Variants in UPRT observed in about 807,000 individuals in gnomAD.
UPRT encodes uracil phosphoribosyltransferase homolog, also known as RP11-311P8.3.
Under a neutral mutation model 22.6 loss-of-function variants are expected in UPRT, and 5 were observed. That is an observed-to-expected ratio of 0.22 (90% confidence interval 0.12 to 0.47). UPRT has a LOEUF of 0.47. Ranked by LOEUF, UPRT falls within the 20% of genes least tolerant of loss-of-function variation. UPRT has a pLI of 0.99. For synonymous variants in UPRT, 77 were observed against 87.7 expected, an observed-to-expected ratio of 0.88 and a Z score of 0.68; for missense variants, 181 against 239.9, an observed-to-expected ratio of 0.75 and a Z score of 1.62.
chrX:75,243,481 C>T (rs1357229767), intron 4 of UPRT, among the ~76,000 whole-genome samples: 1 of 111,175 alleles, frequency 9.0e-6, no homozygotes, highest in African/African-American at 3.3e-5. Context: ...GATTGGCAAT[C>T]CTCAAGTTTT....
intron 4 of UPRT, among the ~76,000 whole-genome samples, chrX:75,175,565 A>C (rs188238234): frequency 8.9e-6 from 1 of 111,816 alleles, no homozygotes; most frequent in East Asian, 2.8e-4. Context: ...GGGTGATGAC[A>C]TGAGCTGGCG....
chrX:75,245,458 T>C (rs890325008), intron 4 of UPRT, among the ~76,000 whole-genome samples: 4 of 110,913 alleles, frequency 3.6e-5, no homozygotes, highest in African/African-American at 1.3e-4. Context: ...CCCAAAGAAA[T>C]ATAAAACATT....
chrX:75,233,112 C>G (rs1326162537), intron 4 of UPRT, among the ~76,000 whole-genome samples: 1 of 111,489 alleles, frequency 9.0e-6, no homozygotes, highest in East Asian at 2.8e-4. Flanking sequence ...GAGCTGAGAA[C>G]CAAGGCTGGA....
At chrX:75,289,606 A>C (rs2082697905) in intron 1 of UPRT, among the ~76,000 whole-genome samples, 1 of 111,619 alleles carries the variant, frequency 9.0e-6, no homozygotes, top group African/African-American at 3.3e-5. Context: ...TGGTGAAAAA[A>C]CAGACACACA....
intron 4 of UPRT, among the ~76,000 whole-genome samples, chrX:75,174,776 C>A (rs1395719461): frequency 1.8e-5 from 2 of 112,101 alleles, no homozygotes; most frequent in Non-Finnish European, 3.8e-5. Context: ...GTCTGAGAGG[C>A]AGATATGGGT....
chrX:75,262,394 G>C (rs1168973500), intron 4 of UPRT, among the ~76,000 whole-genome samples: 4 of 111,243 alleles, frequency 3.6e-5, no homozygotes, highest in Non-Finnish European at 7.5e-5. Flanking sequence ...AAAATAACCA[G>C]CTAGCATCAT....
intron 4 of UPRT, among the ~76,000 whole-genome samples, chrX:75,188,311 G>A (rs2082302012): frequency 1.8e-5 from 2 of 111,732 alleles, no homozygotes; most frequent in African/African-American, 6.5e-5. Flanking sequence ...CCCTGCTAGG[G>A]GGTGCCTCCC....
chrX:75,208,635 G>T (rs959972920), intron 4 of UPRT, among the ~76,000 whole-genome samples: 1 of 111,683 alleles, frequency 9.0e-6, no homozygotes, highest in Admixed American at 9.5e-5. Flanking sequence ...AGAGATCCTG[G>T]ATAAAGTGGT....
At chrX:75,288,908 A>C (rs900918213) in intron 1 of UPRT, among the ~76,000 whole-genome samples, 1 of 111,811 alleles carries the variant, frequency 8.9e-6, no homozygotes, top group East Asian at 2.8e-4. Context: ...ATCTCTCTTC[A>C]TGGAAAATAT....
chrX:75,190,173 G>T (rs1340522208), intron 4 of UPRT, among the ~76,000 whole-genome samples: 1 of 111,689 alleles, frequency 9.0e-6, no homozygotes, highest in African/African-American at 3.3e-5. Flanking sequence ...GGTGGGCCTG[G>T]TGGTGACAAA....
At chrX:75,295,091 G>C (rs1302287319) in intron 2 of UPRT, among the ~76,000 whole-genome samples, 1 of 110,519 alleles carries the variant, frequency 9.0e-6, no homozygotes, top group Non-Finnish European at 1.9e-5. Flanking sequence ...AGCTATTTAG[G>C]TTTAACTTCT....
intron 4 of UPRT, among the ~76,000 whole-genome samples, chrX:75,231,990 C>G (rs1477180537): frequency 1.8e-5 from 2 of 111,927 alleles, no homozygotes; most frequent in African/African-American, 6.5e-5. Flanking sequence ...ATGAGCGACG[C>G]AGAAGCCGGG....
intron 4 of UPRT, among the ~76,000 whole-genome samples, chrX:75,225,838 C>A (rs1376136995): frequency 9.0e-6 from 1 of 111,221 alleles, no homozygotes; most frequent in Non-Finnish European, 1.9e-5. Context: ...TAAATATAAA[C>A]TATACGCTGA....
At chrX:75,167,985 G>C (rs1170152540) in intron 4 of UPRT, among the ~76,000 whole-genome samples, 2 of 111,773 alleles carry the variant, frequency 1.8e-5, no homozygotes, top group Admixed American at 1.9e-4. Flanking sequence ...TGCAGGCATT[G>C]CTGCCTGTTT....
At chrX:75,271,037 C>T (rs1199690648), upstream of UPRT, among the ~76,000 whole-genome samples, 3 of 111,529 alleles carry the variant, frequency 2.7e-5, no homozygotes, top group Middle Eastern at 4.7e-3. Flanking sequence ...CAAATGGAAA[C>T]ATAACCCATG....
chrX:75,179,949 C>A (rs1414684042), intron 4 of UPRT, among the ~76,000 whole-genome samples: 2 of 112,782 alleles, frequency 1.8e-5, no homozygotes, highest in Non-Finnish European at 3.8e-5. Flanking sequence ...CCTTGGCCAG[C>A]CTAGAAAGGG....
At chrX:75,186,264 G>T (rs5981794) in intron 4 of UPRT, among the ~76,000 whole-genome samples, 1,446 of 111,223 alleles carry the variant, frequency 0.013, 18 homozygotes, top group African/African-American at 0.044. Flanking sequence ...TATTTCTGCC[G>T]TCATTTCGTT....
chrX:75,262,170 T>C (rs1341796654), intron 4 of UPRT, among the ~76,000 whole-genome samples: 1 of 111,598 alleles, frequency 9.0e-6, no homozygotes, highest in African/African-American at 3.3e-5. Flanking sequence ...CAGAATTTCA[T>C]ATCCAGCCAA....
chrX:75,247,293 C>T (rs952074867), intron 4 of UPRT, among the ~76,000 whole-genome samples: 1 of 111,126 alleles, frequency 9.0e-6, no homozygotes, highest in Non-Finnish European at 1.9e-5. Context: ...TTGCCTCATC[C>T]GGGAAGCGCA....
Sources: gnomAD v4.1 joint callset for allele counts (sites outside exome capture counted in the v4.1 genomes callset) on GRCh38, gnomAD v4.1.1 for gene constraint, MANE v1.5 for transcripts, NCBI Gene and HGNC (gene_info 2026-07-23, HGNC 2026-07-21) for gene names.